STARD10: variants seen among roughly 807,000 people sequenced by gnomAD.
STARD10 encodes the protein StAR related lipid transfer domain containing 10, also known as START domain-containing protein 10.
In STARD10, 24 loss-of-function variants were observed where a neutral mutation model predicts 36.0. The ratio of observed to expected loss-of-function variants is 0.67; its 90% CI spans 0.48 to 0.94. STARD10 has a LOEUF of 0.94. Ranked by LOEUF, STARD10 falls within the 40% of genes least tolerant of loss-of-function variation. The pLI, the probability that STARD10 is intolerant of heterozygous loss-of-function variation, is 0.00. For synonymous variants in STARD10, 156 were observed against 161.9 expected (o/e 0.96, Z 0.28); for missense variants, 335 against 396.6 (o/e 0.84, Z 1.32).
At chr11:72,785,883 C>G (rs1354691620) in intron 1 of STARD10, 1 of 152,250 alleles carries the variant, frequency 6.6e-6, no homozygotes, top group Non-Finnish European at 1.5e-5. Context: ...CACCCCTACC[C>G]CTTCTCCCCC....
chr11:72,764,653 G>A (rs763979679), intron 2 of STARD10, among the ~76,000 whole-genome samples: 3 of 152,204 alleles, frequency 2.0e-5, no homozygotes, highest in Non-Finnish European at 2.9e-5. Context: ...TCCTGCGGGC[G>A]GCGGTGGCCA....
chr11:72,774,488 C>T lies in STARD10; in HGVS notation c.207+6487G>A, dbSNP rs115947961. ...GGCATGGTACCCTCTGCTGCCCATA[C>T]TTTTGAGTCTCCAGGGGCCCCAGGG... On this transcript the variant is annotated intron_variant, in intron 2 of 6. Coordinates refer to ENST00000334805, the MANE Select transcript of STARD10 (RefSeq NM_006645.3). 8.0e-3 allele frequency among the ~76,000 whole-genome samples: 1,223 copies of T among 152,298 alleles called. 20 individuals carry two copies. The highest frequency in any genetic ancestry group is 0.028 in the African/African-American group (1,168 of 41,544).
chr11:72,755,951 C>T (rs1461269514), intron 5 of STARD10, 198 bp from the exon 6 acceptor site: 2 of 520,476 alleles, frequency 3.8e-6, no homozygotes, highest in Non-Finnish European at 6.8e-6. Flanking sequence ...TAGCTCTGTC[C>T]CCCACTTTCC....
rs1342059327 is a variant in STARD10 at position 72,758,702 on chromosome 11, G to A, written c.356-69C>T. The A allele has an allele frequency of 3.5e-6, 4 of 1,150,610 alleles. No individual in the cohort carries two copies. The South Asian group carries it at 4.1e-5, about 12-fold the overall frequency. 71.3% of individuals were successfully genotyped at this position (1,150,610 alleles called of 1,614,324 possible). A position where few individuals can be genotyped will look rare whatever the true frequency, so the allele number is the denominator to read the frequency against. On this transcript the variant is annotated intron_variant, in intron 3 of 6. Coordinates refer to ENST00000334805, the MANE Select transcript of STARD10 (RefSeq NM_006645.3). ...TGCCTACAAGGGAGGGTGTGGCAGA[G>A]GCCAGAGATGCAGGGATGCCTAATT...
At chr11:72,770,200 A>G (rs1009182897) in intron 2 of STARD10, among the ~76,000 whole-genome samples, 2 of 152,180 alleles carry the variant, frequency 1.3e-5, no homozygotes, top group African/African-American at 4.8e-5. Flanking sequence ...TTTATACAAG[A>G]GATAAAAATC....
intron 6 of STARD10, 21 bp from the exon 7 acceptor site, chr11:72,755,163 C>G: frequency 6.2e-7 from 1 of 1,602,206 alleles, no homozygotes; most frequent in Non-Finnish European, 8.5e-7. Flanking sequence ...GCCGCCCCGC[C>G]GGGTCAGGGG....
At chr11:72,787,084 CAAA>C (rs765529093) in intron 1 of STARD10, among the ~76,000 whole-genome samples, 7 of 72,016 alleles carry the variant, frequency 9.7e-5, no homozygotes, top group Admixed American at 3.1e-4. Context: ...ACCCTGTGTC[CAAA>C]AAAAAAAAAA....
chr11:72,777,807 GGAAGAGGAATT>G (rs1858945436), intron 2 of STARD10, among the ~76,000 whole-genome samples: 1 of 152,240 alleles, frequency 6.6e-6, no homozygotes, highest in African/African-American at 2.4e-5. Context: ...AGAGAGATGA[GGAAGAGGAATT>G]GAATCAGGTA....
At chr11:72,784,747 C>G (rs1173600353) in intron 1 of STARD10, among the ~76,000 whole-genome samples, 1 of 152,226 alleles carries the variant, frequency 6.6e-6, no homozygotes, top group Non-Finnish European at 1.5e-5. Context: ...CCAGGTCTGG[C>G]TGCTCTCTGG....
intron 1 of STARD10, chr11:72,782,317 C>T (rs1482558926): frequency 6.6e-6 from 1 of 152,002 alleles, no homozygotes; most frequent in Non-Finnish European, 1.5e-5. Flanking sequence ...AGCTTGCATC[C>T]CCCACCAAGC....
At chr11:72,759,472 G>T in intron 2 of STARD10, 91 bp from the exon 3 acceptor site, 1 of 1,487,842 alleles carries the variant, frequency 6.7e-7, no homozygotes. Flanking sequence ...GGGGGAGGAA[G>T]AGAAAGAGGA....
At chr11:72,780,684 T>A (rs1858981075) in intron 2 of STARD10, 1 of 481,448 alleles carries the variant, frequency 2.1e-6, no homozygotes, top group Non-Finnish European at 3.8e-6. Context: ...ACCACTCTCC[T>A]AGAAGGGCCT....
intron 3 of STARD10, among the ~76,000 whole-genome samples, chr11:72,758,848 C>T (rs1275951363): frequency 6.6e-6 from 1 of 152,246 alleles, no homozygotes; most frequent in African/African-American, 2.4e-5. Context: ...CTGCTCCTTA[C>T]AGCCTCACAT....
chr11:72,755,786 A>C, intron 5 of STARD10, 33 bp from the exon 6 acceptor site: 1 of 1,591,622 alleles, frequency 6.3e-7, no homozygotes, highest in Non-Finnish European at 8.6e-7. Flanking sequence ...AAGCAGCCTC[A>C]GGGACCCAGC....
At chr11:72,757,707 G>C in intron 5 of STARD10, 60 bp downstream of exon 5, 2 of 1,489,648 alleles carry the variant, frequency 1.3e-6, no homozygotes, top group South Asian at 2.3e-5. Context: ...AGTAGATCAG[G>C]CCCCACCCCT....
intron 1 of STARD10, among the ~76,000 whole-genome samples, chr11:72,787,509 C>G (rs1210256400): frequency 2.6e-5 from 4 of 152,344 alleles, no homozygotes; most frequent in African/African-American, 9.6e-5. Context: ...TGAAACAGAA[C>G]CAGGTGGATT....
chr11:72,788,587 T>TTTA (rs1859103495), intron 1 of STARD10, among the ~76,000 whole-genome samples: 1 of 151,912 alleles, frequency 6.6e-6, no homozygotes, highest in Admixed American at 6.6e-5. Context: ...TTTTTTTTTT[T>TTTA]AGATGGCGTC....
chr11:72,786,906 G>T (rs951540599), intron 1 of STARD10, among the ~76,000 whole-genome samples: 2 of 151,794 alleles, frequency 1.3e-5, no homozygotes, highest in African/African-American at 4.8e-5. Flanking sequence ...ATAGTGAGAC[G>T]CCATCTCTAC....
chr11:72,790,752 AAGAG>A (rs1268837094), intron 1 of STARD10, among the ~76,000 whole-genome samples: 2 of 152,182 alleles, frequency 1.3e-5, no homozygotes, highest in African/African-American at 4.8e-5. Flanking sequence ...GGTTGTGGGG[AAGAG>A]AATCATGTGC....
Sources: gnomAD v4.1 joint callset for allele counts (sites outside exome capture counted in the v4.1 genomes callset) on GRCh38, gnomAD v4.1.1 for gene constraint, MANE v1.5 for transcripts, NCBI Gene and HGNC (gene_info 2026-07-23, HGNC 2026-07-21) for gene names.